Variants in ABCB1 observed in about 807,000 individuals in gnomAD.
ABCB1 encodes ATP-dependent translocase ABCB1.
ABCB1 carries 69 observed loss-of-function variants against 142.0 expected under a neutral mutation model. That is an observed-to-expected ratio of 0.49 (90% CI 0.40 to 0.59). ABCB1 has a LOEUF of 0.59. ABCB1 is among the 20% of genes least tolerant of loss of function. ABCB1 has a pLI of 0.00. For synonymous variants in ABCB1, 532 were observed against 539.2 expected (o/e 0.99, Z 0.18); for missense variants, 1,326 against 1,554.7 (o/e 0.85, Z 2.47).
At chr7:87,672,965 G>A (rs925234082) in intron 1 of ABCB1, among the ~76,000 whole-genome samples, 1 of 152,112 alleles carries the variant, frequency 6.6e-6, no homozygotes, top group Admixed American at 6.5e-5. Flanking sequence ...TGAGAGCCAT[G>A]CACACTGGCT....
intron 1 of ABCB1, among the ~76,000 whole-genome samples, chr7:87,609,404 G>T (rs937111952): frequency 6.6e-6 from 1 of 152,100 alleles, no homozygotes; most frequent in Non-Finnish European, 1.5e-5. Flanking sequence ...GAATGTAGAG[G>T]TCATCTTATC....
chr7:87,505,419 C>T (rs1381739097), intron 27 of ABCB1, among the ~76,000 whole-genome samples: 5 of 152,132 alleles, frequency 3.3e-5, no homozygotes, highest in Non-Finnish European at 7.4e-5. Context: ...ATTCAAGAAG[C>T]CTGAGCAAAG....
intron 1 of ABCB1, among the ~76,000 whole-genome samples, chr7:87,682,519 G>A (rs1009857715): frequency 3.3e-5 from 5 of 152,192 alleles, no homozygotes; most frequent in Non-Finnish European, 5.9e-5. Flanking sequence ...TGGATGTTGT[G>A]TTAGAAGCCA....
At chr7:87,585,477 G>A in intron 4 of ABCB1, 35 bp downstream of exon 4, 1 of 1,608,866 alleles carries the variant, frequency 6.2e-7, no homozygotes, top group South Asian at 1.1e-5. Flanking sequence ...TTTGCTGCAA[G>A]TTTCCAATAA....
intron 1 of ABCB1, among the ~76,000 whole-genome samples, chr7:87,658,656 A>G (rs1228525246): frequency 6.6e-6 from 1 of 152,248 alleles, no homozygotes; most frequent in Non-Finnish European, 1.5e-5. Flanking sequence ...CTTGCCTACA[A>G]GTAAGCAATT....
chr7:87,617,028 T>A (rs1461254698), intron 1 of ABCB1, among the ~76,000 whole-genome samples: 2 of 152,192 alleles, frequency 1.3e-5, no homozygotes, highest in South Asian at 2.1e-4. Context: ...GGGAGTGGGA[T>A]ACAAGTTGAT....
intron 8 of ABCB1, among the ~76,000 whole-genome samples, chr7:87,555,809 C>T (rs938638994): frequency 2.0e-5 from 3 of 152,164 alleles, no homozygotes; most frequent in African/African-American, 7.2e-5. Context: ...CTGGGCATAA[C>T]TTACATAAGA....
intron 23 of ABCB1, among the ~76,000 whole-genome samples, chr7:87,518,526 A>T (rs1340482145): frequency 6.6e-6 from 1 of 152,216 alleles, no homozygotes; most frequent in Non-Finnish European, 1.5e-5. Context: ...TTTGGGGGTC[A>T]TCCTGAGCAA....
chr7:87,674,067 A>G (rs1434842794), intron 1 of ABCB1, among the ~76,000 whole-genome samples: 1 of 152,152 alleles, frequency 6.6e-6, no homozygotes, highest in African/African-American at 2.4e-5. Context: ...CCTCAAGGTT[A>G]GGAAGCTGCT....
At chr7:87,635,268 T>C (rs1211171929) in intron 1 of ABCB1, among the ~76,000 whole-genome samples, 1 of 152,188 alleles carries the variant, frequency 6.6e-6, no homozygotes, top group Non-Finnish European at 1.5e-5. Context: ...TACCCAGTTG[T>C]ATATTGGAAA....
chr7:87,616,184 A>C (rs1264786081), intron 1 of ABCB1, among the ~76,000 whole-genome samples: 3 of 152,224 alleles, frequency 2.0e-5, no homozygotes, highest in Admixed American at 6.5e-5. Context: ...ATTACTCGGA[A>C]TAATAAGATA....
At chr7:87,575,519 G>A (rs1818237453) in intron 4 of ABCB1, among the ~76,000 whole-genome samples, 1 of 152,042 alleles carries the variant, frequency 6.6e-6, no homozygotes, top group African/African-American at 2.4e-5. Flanking sequence ...GTTTTTCCCA[G>A]GAACTTCCGT....
chr7:87,588,252 G>C (rs1818846174), intron 3 of ABCB1, among the ~76,000 whole-genome samples: 1 of 151,980 alleles, frequency 6.6e-6, no homozygotes, highest in East Asian at 1.9e-4. Context: ...TTTCATGGGG[G>C]GTTGTTGTAC....
At chr7:87,621,426 A>G (rs956825669) in intron 1 of ABCB1, among the ~76,000 whole-genome samples, 1 of 152,162 alleles carries the variant, frequency 6.6e-6, no homozygotes, top group African/African-American at 2.4e-5. Flanking sequence ...TAATACTAGC[A>G]TTAGATAAGT....
intron 1 of ABCB1, among the ~76,000 whole-genome samples, chr7:87,642,079 T>C (rs1216641189): frequency 6.6e-6 from 1 of 151,874 alleles, no homozygotes; most frequent in Non-Finnish European, 1.5e-5. Context: ...TCATCACTAA[T>C]AATGGAAATT....
Position 87,661,359 on chromosome 7 carries a change from TTCTA to T in ABCB1, c.-331+51798_-331+51801del, listed in dbSNP as rs142109376. ...GTGATCAAATACTAGATCTTATTAG[TTCTA>T]TCTAACTACATTTTTGTACCCATTA... is the stretch of plus-strand genomic sequence containing the variant. On this transcript the variant is annotated intron_variant, in intron 1 of 28. Transcript: ENST00000265724. 7.4e-3 allele frequency among the ~76,000 whole-genome samples: 1,125 copies of T among 152,020 alleles called. 9 individuals are homozygous for T. The highest frequency in any genetic ancestry group is 0.049 in the East Asian group (253 of 5,162).
chr7:87,581,773 A>G (rs1254691791), intron 4 of ABCB1, among the ~76,000 whole-genome samples: 1 of 152,212 alleles, frequency 6.6e-6, no homozygotes, highest in East Asian at 1.9e-4. Flanking sequence ...CAGGCTTTCA[A>G]GAGCCTCCGC....
intron 1 of ABCB1, among the ~76,000 whole-genome samples, chr7:87,640,349 CTTTTTA>C (rs886323606): frequency 6.6e-6 from 1 of 151,432 alleles, no homozygotes; most frequent in Non-Finnish European, 1.5e-5. Context: ...CTTCTTTTTA[CTTTTTA>C]TTTTTATTTT....
intron 3 of ABCB1, among the ~76,000 whole-genome samples, chr7:87,589,347 C>T (rs147178889): frequency 6.6e-6 from 1 of 152,084 alleles, no homozygotes; most frequent in Non-Finnish European, 1.5e-5. Context: ...ATGATATAAG[C>T]AGATAATGTT....
Sources: gnomAD v4.1 joint callset for allele counts (sites outside exome capture counted in the v4.1 genomes callset) on GRCh38, gnomAD v4.1.1 for gene constraint, MANE v1.5 for transcripts, NCBI Gene and HGNC (gene_info 2026-07-23, HGNC 2026-07-21) for gene names.